GAS2: variants seen among roughly 807,000 people sequenced by gnomAD.
The protein encoded by GAS2 is growth arrest-specific protein 2.
GAS2 carries 20 observed loss-of-function variants against 37.5 expected under a neutral mutation model. That is an observed-to-expected ratio of 0.53 (90% CI 0.37 to 0.77). The LOEUF (loss-of-function observed/expected upper bound fraction) is 0.77. Among genes scored for constraint, GAS2 ranks in the 30% least tolerant of loss-of-function variants. The pLI is 0.00. For missense variants in GAS2, 336 were observed against 373.4 expected, an observed-to-expected ratio of 0.90 and a Z score of 0.82; for synonymous variants, 144 against 132.2, an observed-to-expected ratio of 1.09 and a Z score of -0.61.
chr11:22,726,519 T>C, intron 4 of GAS2, 86 bp downstream of exon 4: 1 of 1,130,214 alleles, frequency 8.8e-7, no homozygotes, highest in South Asian at 1.4e-5. Context: ...AAGTTTTTTG[T>C]ATGATGTCAT....
intron 6 of GAS2, among the ~76,000 whole-genome samples, chr11:22,752,252 G>A (rs547946103): frequency 5.3e-4 from 80 of 151,884 alleles, no homozygotes; most frequent in Middle Eastern, 3.2e-3. Context: ...GTTTAACCTG[G>A]AATCTTCTAA....
At chr11:22,764,936 A>G (rs1368348210) in intron 7 of GAS2, among the ~76,000 whole-genome samples, 1 of 152,232 alleles carries the variant, frequency 6.6e-6, no homozygotes, top group Admixed American at 6.5e-5. Flanking sequence ...TGCAATACAC[A>G]TGCTACCTTA....
At chr11:22,706,603 C>A (rs549072486) in intron 3 of GAS2, among the ~76,000 whole-genome samples, 4 of 151,934 alleles carry the variant, frequency 2.6e-5, no homozygotes, top group South Asian at 2.1e-4. Context: ...TTTGTCCTTG[C>A]GATAGTTTAC....
chr11:22,660,867 T>A (rs1469476194), intron 1 of GAS2, among the ~76,000 whole-genome samples: 1 of 152,246 alleles, frequency 6.6e-6, no homozygotes, highest in Non-Finnish European at 1.5e-5. Context: ...CTTGGAGTAC[T>A]GCCCTTTTAT....
chr11:22,705,165 C>A (rs1251082747), intron 3 of GAS2, among the ~76,000 whole-genome samples: 1 of 152,072 alleles, frequency 6.6e-6, no homozygotes, highest in Non-Finnish European at 1.5e-5. Context: ...TCCTTGGTGA[C>A]CTTTCTGATC....
At chr11:22,720,142 C>T (rs961993331) in intron 3 of GAS2, among the ~76,000 whole-genome samples, 5 of 151,992 alleles carry the variant, frequency 3.3e-5, no homozygotes, top group Non-Finnish European at 7.4e-5. Context: ...TAAAACTCTG[C>T]TCTGAGAAAC....
intron 1 of GAS2, chr11:22,668,215 G>A (rs1278777912): frequency 6.6e-6 from 1 of 152,286 alleles, no homozygotes; most frequent in Non-Finnish European, 1.5e-5. Context: ...TGCCCAGCCT[G>A]TCTTTGATAT....
intron 6 of GAS2, among the ~76,000 whole-genome samples, chr11:22,750,880 G>A (rs921201931): frequency 7.3e-5 from 11 of 151,478 alleles, no homozygotes; most frequent in African/African-American, 2.7e-4. Context: ...TATAGTCAGG[G>A]TTCCAGACCA....
At chr11:22,787,645 T>C (rs776763146) in intron 7 of GAS2, among the ~76,000 whole-genome samples, 60 of 151,750 alleles carry the variant, frequency 4.0e-4, no homozygotes, top group Non-Finnish European at 8.1e-4. Context: ...TACATTGGAG[T>C]CACTGGTGAG....
chr11:22,808,400 G>T (rs1454900341), intron 7 of GAS2, among the ~76,000 whole-genome samples: 1 of 152,212 alleles, frequency 6.6e-6, no homozygotes, highest in Non-Finnish European at 1.5e-5. Context: ...ATCTGCAGTA[G>T]AAAGGATGTG....
Position 22,653,136 on chromosome 11 carries a change from GTCTCC to G in GAS2, c.-20-21701_-20-21697del, listed in dbSNP as rs539642624. Among the ~76,000 whole-genome samples the G allele has an allele frequency of 1.5e-3, 200 of 137,454 alleles. 2 individuals carry two copies. The highest frequency in any genetic ancestry group is 5.0e-3 in the African/African-American group (184 of 36,572). 90.2% of individuals were successfully genotyped at this position (137,454 alleles called of 152,430 possible). A position where few individuals can be genotyped will look rare whatever the true frequency, so the allele number is the denominator to read the frequency against. On this transcript the variant is annotated intron_variant, in intron 1 of 5. Coordinates refer to the GAS2 transcript ENST00000528582. ...TCCTTCCTCCCTCCTTTCTTGCCTC[GTCTCC>G]TCTCCTCTCCTCCTGCTTTTTCTTC...
intron 7 of GAS2, among the ~76,000 whole-genome samples, chr11:22,758,744 C>A (rs985060343): frequency 3.3e-5 from 5 of 151,698 alleles, no homozygotes; most frequent in African/African-American, 1.2e-4. Context: ...AGAAACCCCA[C>A]CTCTATTAAA....
chr11:22,735,183 A>G (rs1258791254), intron 4 of GAS2, among the ~76,000 whole-genome samples: 1 of 149,114 alleles, frequency 6.7e-6, no homozygotes, highest in African/African-American at 2.5e-5. Context: ...ATGCAACTCT[A>G]CAGATTTATC....
intron 2 of GAS2, among the ~76,000 whole-genome samples, chr11:22,680,228 T>C (rs1029212617): frequency 2.0e-5 from 3 of 152,072 alleles, no homozygotes; most frequent in Admixed American, 1.3e-4. Flanking sequence ...AGTTCAAAAG[T>C]TTACAGAATC....
At chr11:22,765,977 A>T (rs976051574) in intron 7 of GAS2, among the ~76,000 whole-genome samples, 9 of 152,110 alleles carry the variant, frequency 5.9e-5, no homozygotes, top group African/African-American at 2.2e-4. Flanking sequence ...GTGGGAGGGG[A>T]GGTGCCACAC....
chr11:22,671,442 A>T (rs1359359114), intron 1 of GAS2, among the ~76,000 whole-genome samples: 1 of 152,100 alleles, frequency 6.6e-6, no homozygotes, highest in African/African-American at 2.4e-5. Flanking sequence ...AAGCTTTTAA[A>T]ATACTTGGAC....
At chr11:22,780,097 C>T (rs191329456) in intron 7 of GAS2, among the ~76,000 whole-genome samples, 34 of 152,240 alleles carry the variant, frequency 2.2e-4, no homozygotes, top group Non-Finnish European at 3.8e-4. Context: ...ATTTATTTAT[C>T]AAATGAATTG....
At chr11:22,637,303 A>G (rs868038333) in intron 1 of GAS2, among the ~76,000 whole-genome samples, 7 of 104,616 alleles carry the variant, frequency 6.7e-5, no homozygotes, top group Admixed American at 2.6e-4. Context: ...TATTAATTAT[A>G]TTAATAGTAT....
chr11:22,797,708 C>A (rs1856495748), intron 7 of GAS2, among the ~76,000 whole-genome samples: 1 of 152,014 alleles, frequency 6.6e-6, no homozygotes, highest in Non-Finnish European at 1.5e-5. Context: ...GGAGGAAGTA[C>A]TATCAGGATT....
Sources: allele counts gnomAD v4.1 joint callset (sites outside exome capture counted in the v4.1 genomes callset), GRCh38; gene constraint gnomAD v4.1.1; transcripts MANE v1.5; gene names NCBI Gene and HGNC (gene_info 2026-07-23, HGNC 2026-07-21).